IGF2: variants seen among roughly 807,000 people sequenced by gnomAD.
The protein encoded by IGF2 is insulin like growth factor 2, also known as insulin-like growth factor 2.
IGF2 carries 2 observed loss-of-function variants against 12.0 expected under a neutral mutation model. That is an observed-to-expected ratio of 0.17 (90% CI 0.07 to 0.52). IGF2 has a LOEUF of 0.52. Ranked by LOEUF, IGF2 falls within the 20% of genes least tolerant of loss-of-function variation. The probability of loss-of-function intolerance (pLI) is 0.95; values close to 1 mark genes in which losing one functional copy is unlikely to be tolerated. For missense variants in IGF2, 211 were observed against 268.0 expected (o/e 0.79, Z 1.48); for synonymous variants, 105 against 110.1 (o/e 0.95, Z 0.29).
chr11:2,131,721 G>A lies in IGF2; in HGVS notation c.*1266C>T. 1 of 203,746 alleles carries A rather than the reference G, an allele frequency of 4.9e-6. No homozygotes were observed. The highest frequency in any genetic ancestry group is 9.7e-6 in the Non-Finnish European group (1 of 102,914). 12.6% of individuals were successfully genotyped at this position (203,746 alleles called of 1,614,324 possible). ...TGTGTGCTGTGTGTGCTGTGTTCGT[G>A]TGTGCTGTGTTCGCGTGTGTGTGCT... On this transcript the variant is annotated 3_prime_UTR_variant, in exon 4 of 4. Transcript: ENST00000416167.
Position 2,130,634 on chromosome 11 carries a change from G to T in IGF2, c.*2353C>A, listed in dbSNP as rs1435467199. The T allele has an allele frequency of 4.5e-6, 1 of 220,084 alleles. No homozygotes were observed. Among genetic ancestry groups the T allele is most frequent in the Non-Finnish European group, 9.1e-6 (1 of 110,166 alleles). 13.6% of individuals were successfully genotyped at this position (220,084 alleles called of 1,614,324 possible). ...AAATGCCCCAAGAAACAAAGAGGGG[G>T]AATAGATCAATTGACATGAAATTTG... On this transcript the variant is annotated 3_prime_UTR_variant, in exon 4 of 4. Coordinates refer to ENST00000416167, the MANE Select transcript of IGF2 (RefSeq NM_000612.6).
chr11:2,141,737 G>A (rs1859612490), upstream of IGF2, among the ~76,000 whole-genome samples: 1 of 152,178 alleles, frequency 6.6e-6, no homozygotes, highest in Admixed American at 6.5e-5. Context: ...TGTGGCTTCA[G>A]GGAAAGGTTT....
chr11:2,137,789 C>G (rs547708874), intron 1 of IGF2, among the ~76,000 whole-genome samples: 1 of 152,356 alleles, frequency 6.6e-6, no homozygotes, highest in South Asian at 2.1e-4. Context: ...CGCCCACCCC[C>G]GTCTTCCTCT....
At chr11:2,140,454 C>CCCCCTCGCT, upstream of IGF2, 1 of 649,104 alleles carries the variant, frequency 1.5e-6, no homozygotes, top group Non-Finnish European at 2.6e-6. Flanking sequence ...CCCCCCTCGC[C>CCCCCTCGCT]CCCCTCGCTC....
chr11:2,142,209 A>T (rs918627210), upstream of IGF2, among the ~76,000 whole-genome samples: 2 of 135,514 alleles, frequency 1.5e-5, no homozygotes, highest in African/African-American at 2.5e-5. The surrounding 1 kb of genome is among the most constrained non-coding windows in gnomAD (Gnocchi z 5.7). Flanking sequence ...ATCAGTATTA[A>T]AAAAAAAAAA....
At position 2,132,507 on chromosome 11, in the gene IGF2, T is replaced by C. The variant is rs1858673344; in HGVS notation, c.*480A>G. 2 of 204,260 alleles carry C rather than the reference T, an allele frequency of 9.8e-6. No individual in the cohort carries two copies. Among genetic ancestry groups the C allele is most frequent in the South Asian group, 3.8e-4 (2 of 5,262 alleles). The allele number at this position is 204,260 out of a possible 1,614,324, so 12.7% of individuals were successfully genotyped here. A position where few individuals can be genotyped will look rare whatever the true frequency, so the allele number is the denominator to read the frequency against. ...GGGGGTGGGGAGTGCCAAATTCCTT[T>C]ATTTTGCCAATTGTTTCTCAGCCAA... On this transcript the variant is annotated 3_prime_UTR_variant, in exon 4 of 4. Coordinates refer to ENST00000416167, the MANE Select transcript of IGF2 (RefSeq NM_000612.6).
In IGF2 at chr11:2,133,469, C is replaced by T; in HGVS notation, c.306+48G>A. ...ACAGGAAACGCTGGGCGCCCGAAGCCCTATTTCTCTGTCTCTAGAGAGTGG... is the reference window on the plus strand; with the variant it reads ...ACAGGAAACGCTGGGCGCCCGAAGCTCTATTTCTCTGTCTCTAGAGAGTGG... On this transcript the variant is annotated intron_variant, in intron 3 of 3. Transcript: ENST00000416167. This position sits in a 1 kb window ranked among gnomAD's most constrained non-coding sequence, Gnocchi z 8.9. The T allele has an allele frequency of 6.4e-7, 1 of 1,556,844 alleles. No individual in the cohort carries two copies.
In IGF2 at chr11:2,131,092, G is replaced by A. The variant is rs988246121; in HGVS notation, c.*1895C>T. On this transcript the variant is annotated 3_prime_UTR_variant, in exon 4 of 4. Coordinates refer to ENST00000416167, the MANE Select transcript of IGF2 (RefSeq NM_000612.6). The stretch of plus-strand genomic sequence containing the variant: ...GGGTATGGGGAGCATCGTGGCTCAC[G>A]CTGCGGGGGCCGTGGGGACAGGCGC... The A allele has an allele frequency of 2.2e-5, 5 of 232,314 alleles. No individual in the cohort carries two copies. The highest frequency in any genetic ancestry group is 6.7e-5 in the African/African-American group (3 of 44,946). The allele number at this position is 232,314 out of a possible 1,614,324, so 14.4% of individuals were successfully genotyped here.
upstream of IGF2, chr11:2,140,672 G>C (rs1366887564): frequency 8.4e-6 from 4 of 476,428 alleles, no homozygotes; most frequent in Non-Finnish European, 1.6e-5. Context: ...CGCGGATTTC[G>C]GGGCGCCCAG....
Position 2,133,687 on chromosome 11 carries a change from G to A in IGF2, c.158-22C>T. 6.2e-7 allele frequency: 1 copy of A among 1,612,328 alleles called. No homozygotes were observed. The highest frequency in any genetic ancestry group is 8.5e-7 in the Non-Finnish European group (1 of 1,179,788). On this transcript the variant is annotated intron_variant, in intron 2 of 3. Transcript: ENST00000416167. The surrounding 1 kb of genome is among the most constrained non-coding windows in gnomAD (Gnocchi z 8.9). ...CTGCCTGGAAGTCCCACAGCACAGA[G>A]AGAGCCGTGTTAGCACCGCACTGAC...
chr11:2,129,540 C>T lies in IGF2; in HGVS notation c.*3447G>A, dbSNP rs983073897. 6 of 227,848 alleles carry T rather than the reference C, an allele frequency of 2.6e-5. No individual in the cohort carries two copies. The highest frequency in any genetic ancestry group is 1.3e-4 in the East Asian group (2 of 15,936). The allele number at this position is 227,848 out of a possible 1,614,324, so 14.1% of individuals were successfully genotyped here. ...AACACTGGGTGGGTGGGTGTCCTGA[C>T]GAATGGGCAGGTAATTTGGGGTGCC... On this transcript the variant is annotated 3_prime_UTR_variant, in exon 4 of 4. Coordinates refer to ENST00000416167, the MANE Select transcript of IGF2 (RefSeq NM_000612.6). This position sits in a 1 kb window ranked among gnomAD's most constrained non-coding sequence, Gnocchi z 8.1.
chr11:2,137,169 A>AC, intron 1 of IGF2: 2 of 943,372 alleles, frequency 2.1e-6, no homozygotes, highest in Non-Finnish European at 2.5e-6. Flanking sequence ...GGGGGTCCTC[A>AC]CTCCACAGCC....
At chr11:2,147,808 C>T in the IGF2 span, 4 of 1,247,218 alleles carry the variant, frequency 3.2e-6, no homozygotes, top group Non-Finnish European at 4.0e-6. This position sits in a 1 kb window ranked among gnomAD's most constrained non-coding sequence, Gnocchi z 7.2. Flanking sequence ...TCTTCGGCCC[C>T]TGGGGAAAAA....
chr11:2,131,745 CTG>C lies in IGF2; in HGVS notation c.*1240_*1241del, dbSNP rs1384767139. ...TGTGTGCTGTGTTCGCGTGTGTGTGCTGTGTGTGCATGTGTGTGCTGTGTCTT... is the reference window on the plus strand; with the variant it reads ...TGTGTGCTGTGTTCGCGTGTGTGTGCTGTGTGCATGTGTGTGCTGTGTCTT... On this transcript the variant is annotated 3_prime_UTR_variant, in exon 4 of 4. Transcript: ENST00000416167. 7 of 159,230 alleles carry C rather than the reference CTG, an allele frequency of 4.4e-5. No individual in the cohort carries two copies. Among genetic ancestry groups the C allele is most frequent in the African/African-American group, 9.4e-5 (3 of 31,826 alleles). 9.9% of individuals were successfully genotyped at this position (159,230 alleles called of 1,614,324 possible). A position where few individuals can be genotyped will look rare whatever the true frequency, so the allele number is the denominator to read the frequency against.
chr11:2,141,682 C>T (rs1336770417), upstream of IGF2, among the ~76,000 whole-genome samples: 1 of 152,112 alleles, frequency 6.6e-6, no homozygotes, highest in African/African-American at 2.4e-5. Flanking sequence ...AGTTAGTGGC[C>T]TGGACGCTGG....
upstream of IGF2, among the ~76,000 whole-genome samples, chr11:2,145,795 C>T (rs1564904049): frequency 6.6e-6 from 1 of 152,054 alleles, no homozygotes; most frequent in Admixed American, 6.5e-5. Flanking sequence ...CAGAAGTGAC[C>T]AGGGCAGGCT....
At chr11:2,139,577 G>GC (rs1164354025), upstream of IGF2, among the ~76,000 whole-genome samples, 1 of 1,492 alleles carries the variant, frequency 6.7e-4, no homozygotes, top group East Asian at 0.033. Flanking sequence ...CTGGGGCCCC[G>GC]GGGGGGGGGC....
upstream of IGF2, among the ~76,000 whole-genome samples, chr11:2,143,418 G>C (rs1044261871): frequency 6.6e-6 from 1 of 152,146 alleles, no homozygotes; most frequent in Non-Finnish European, 1.5e-5. Flanking sequence ...GGAGACCCTG[G>C]AGTTAATATT....
Position 2,133,807 on chromosome 11 carries a change from G to A in IGF2, c.158-142C>T. On this transcript the variant is annotated intron_variant, in intron 2 of 3. Coordinates refer to ENST00000416167, the MANE Select transcript of IGF2 (RefSeq NM_000612.6). This position sits in a 1 kb window ranked among gnomAD's most constrained non-coding sequence, Gnocchi z 8.9. Reference sequence around the variant, plus strand: ...CCACCCTGCGGGTCAGGGGAGGGAAGTGAGAGCTGGCAGGCAGAGGCGTCC... The same window carrying A: ...CCACCCTGCGGGTCAGGGGAGGGAAATGAGAGCTGGCAGGCAGAGGCGTCC... 4 of 988,360 alleles carry A rather than the reference G, an allele frequency of 4.0e-6. No individual in the cohort carries two copies. The highest frequency in any genetic ancestry group is 5.9e-6 in the Non-Finnish European group (4 of 674,828). 61.2% of individuals were successfully genotyped at this position (988,360 alleles called of 1,614,324 possible).
Sources: allele counts gnomAD v4.1 joint callset (sites outside exome capture counted in the v4.1 genomes callset), GRCh38; gene constraint gnomAD v4.1.1; non-coding constraint Gnocchi (gnomAD v3.1); transcripts MANE v1.5; gene names NCBI Gene and HGNC (gene_info 2026-07-23, HGNC 2026-07-21).